Variants in PTPRD observed in about 807,000 individuals in gnomAD.
PTPRD encodes protein tyrosine phosphatase receptor type D, also known as receptor-type tyrosine-protein phosphatase delta.
A neutral mutation model predicts 214.5 loss-of-function variants in PTPRD; 34 were observed. The ratio of observed to expected loss-of-function variants is 0.16; its 90% CI spans 0.12 to 0.21. The LOEUF (loss-of-function observed/expected upper bound fraction) is 0.21, where lower values mean the gene tolerates loss of function less well. Ranked by LOEUF, PTPRD falls within the 10% of genes least tolerant of loss-of-function variation. PTPRD has a pLI of 1.00. For missense variants in PTPRD, 2,545 were observed against 2,398.7 expected (o/e 1.06, Z -1.27); for synonymous variants, 1,128 against 845.7 (o/e 1.33, Z -5.79).
chr9:9,650,141 G>T (rs937350917), intron 7 of PTPRD, among the ~76,000 whole-genome samples: 1 of 152,028 alleles, frequency 6.6e-6, no homozygotes, highest in Non-Finnish European at 1.5e-5. Flanking sequence ...GAGATCTGAA[G>T]GTTTAAAAGG....
At chr9:8,922,100 A>C (rs1359069031) in intron 11 of PTPRD, among the ~76,000 whole-genome samples, 3 of 152,208 alleles carry the variant, frequency 2.0e-5, no homozygotes, top group Non-Finnish European at 4.4e-5. Context: ...TGTGTAGTTT[A>C]TTCTTTTAAA....
chr9:10,438,961 T>G (rs1194530653), intron 2 of PTPRD, among the ~76,000 whole-genome samples: 2 of 151,708 alleles, frequency 1.3e-5, no homozygotes, highest in Non-Finnish European at 2.9e-5. Flanking sequence ...TCTCTGTGTA[T>G]CCACGCTTTT....
chr9:8,465,969 C>T (rs1388348174), intron 31 of PTPRD, among the ~76,000 whole-genome samples: 1 of 151,836 alleles, frequency 6.6e-6, no homozygotes, highest in Non-Finnish European at 1.5e-5. Context: ...ATGAAATTCT[C>T]TCAAAGTGCA....
chr9:8,792,064 A>G (rs777375921), intron 11 of PTPRD, among the ~76,000 whole-genome samples: 1 of 152,184 alleles, frequency 6.6e-6, no homozygotes, highest in Non-Finnish European at 1.5e-5. Flanking sequence ...GGGCGGAAAA[A>G]AAGCTGAAAT....
intron 12 of PTPRD, among the ~76,000 whole-genome samples, chr9:8,719,776 T>C (rs918908087): frequency 2.0e-5 from 3 of 151,974 alleles, no homozygotes; most frequent in Non-Finnish European, 4.4e-5. Flanking sequence ...GCATGCAAAA[T>C]GTATAAGGCT....
At chr9:9,251,183 G>C (rs2099975340) in intron 9 of PTPRD, among the ~76,000 whole-genome samples, 1 of 152,048 alleles carries the variant, frequency 6.6e-6, no homozygotes. Flanking sequence ...GCCAGCAATA[G>C]ATCCCAGGGT....
At chr9:8,391,244 A>G (rs1231852150) in intron 36 of PTPRD, among the ~76,000 whole-genome samples, 1 of 152,116 alleles carries the variant, frequency 6.6e-6, no homozygotes, top group African/African-American at 2.4e-5. Flanking sequence ...TTCCGGTTGT[A>G]AAGTTGATCC....
intron 7 of PTPRD, among the ~76,000 whole-genome samples, chr9:9,674,210 C>T (rs1370354061): frequency 1.3e-5 from 2 of 151,626 alleles, no homozygotes; most frequent in East Asian, 1.9e-4. Flanking sequence ...GGTAATGGAG[C>T]TGATAGGCAT....
chr9:8,615,575 G>C (rs1158134134), intron 14 of PTPRD, among the ~76,000 whole-genome samples: 1 of 151,980 alleles, frequency 6.6e-6, no homozygotes, highest in East Asian at 1.9e-4. Flanking sequence ...TAAAAGACTA[G>C]CTAGCCTCAA....
At chr9:9,664,331 G>A (rs772040824) in intron 7 of PTPRD, among the ~76,000 whole-genome samples, 47 of 151,520 alleles carry the variant, frequency 3.1e-4, no homozygotes, top group African/African-American at 1.1e-3. Flanking sequence ...CTTTTCTAAC[G>A]CATAGGGCAA....
chr9:9,770,991 G>C (rs972777668), intron 5 of PTPRD, among the ~76,000 whole-genome samples: 2 of 152,090 alleles, frequency 1.3e-5, no homozygotes, highest in African/African-American at 2.4e-5. Flanking sequence ...CCTGTGTTTT[G>C]ACTACAATAA....
chr9:8,804,454 C>T (rs1342491091), intron 11 of PTPRD, among the ~76,000 whole-genome samples: 1 of 151,836 alleles, frequency 6.6e-6, no homozygotes, highest in Non-Finnish European at 1.5e-5. Flanking sequence ...TAAAACTAGC[C>T]AGGCATGGTG....
chr9:10,249,007 C>G (rs901188542), intron 3 of PTPRD, among the ~76,000 whole-genome samples: 6 of 151,994 alleles, frequency 3.9e-5, no homozygotes, highest in Admixed American at 1.3e-4. Context: ...CTAAATCAGA[C>G]AGTGAAGGCC....
chr9:10,304,242 A>G lies in PTPRD; in HGVS notation c.-545+36721T>C, dbSNP rs79042101. ...TTCATGCAAAAACTCTCAATACGCT[A>G]GGTACTGACGGAATGTATCTCAAAA... On this transcript the variant is annotated intron_variant, in intron 3 of 45. Coordinates refer to ENST00000381196, the MANE Select transcript of PTPRD (RefSeq NM_002839.4). Among the ~76,000 whole-genome samples, 14 of 152,316 alleles carry G rather than the reference A, an allele frequency of 9.2e-5. No individual in the cohort carries two copies. In the East Asian group the frequency reaches 2.5e-3, roughly 27 times the overall value.
intron 10 of PTPRD, among the ~76,000 whole-genome samples, chr9:9,093,769 T>C (rs1314814943): frequency 2.0e-5 from 3 of 151,744 alleles, no homozygotes; most frequent in Admixed American, 1.3e-4. Context: ...TGATCTAGCC[T>C]TCTATTTAAG....
intron 10 of PTPRD, among the ~76,000 whole-genome samples, chr9:9,140,181 T>C (rs1434491857): frequency 7.0e-6 from 1 of 143,702 alleles, no homozygotes; most frequent in Non-Finnish European, 1.5e-5. Context: ...ACTATGTAAA[T>C]CCATGCATGG....
At chr9:8,450,919 A>C (rs549432042) in intron 33 of PTPRD, among the ~76,000 whole-genome samples, 1 of 152,296 alleles carries the variant, frequency 6.6e-6, no homozygotes, top group South Asian at 2.1e-4. Context: ...TGCTCAAAGC[A>C]AAGGCGTTTT....
At chr9:9,785,900 C>G (rs888809826) in intron 5 of PTPRD, among the ~76,000 whole-genome samples, 2 of 152,060 alleles carry the variant, frequency 1.3e-5, no homozygotes, top group South Asian at 2.1e-4. Context: ...AATTCAAAGC[C>G]AATGCTTCAA....
At chr9:9,986,546 A>C (rs2095715648) in intron 4 of PTPRD, among the ~76,000 whole-genome samples, 1 of 152,274 alleles carries the variant, frequency 6.6e-6, no homozygotes, top group African/African-American at 2.4e-5. Context: ...AATGATTAAC[A>C]ATAGTTATCT....
Sources: gnomAD v4.1 joint callset for allele counts (sites outside exome capture counted in the v4.1 genomes callset) on GRCh38, gnomAD v4.1.1 for gene constraint, MANE v1.5 for transcripts, NCBI Gene and HGNC (gene_info 2026-07-23, HGNC 2026-07-21) for gene names.